The following VSIG10L variants were observed in gnomAD, a reference collection of about 807,000 sequenced individuals.
The protein encoded by VSIG10L is V-set and immunoglobulin domain-containing protein 10-like.
VSIG10L carries 63 observed loss-of-function variants against 67.3 expected under a neutral mutation model. The observed-to-expected ratio is 0.94, with a 90% CI of 0.76 to 1.15. The LOEUF is 1.15. VSIG10L is among the 50% of genes most tolerant of loss of function. The pLI is 0.00. For missense variants in VSIG10L, 1,050 were observed against 1,177.5 expected (o/e 0.89, Z 1.58); for synonymous variants, 499 against 524.9 (o/e 0.95, Z 0.67).
rs757619738 is a variant in VSIG10L at position 51,341,175 on chromosome 19, G to C, written c.873C>G (p.His291Gln). Residue 291 changes from histidine (H) to glutamine (Q), a missense_variant, in exon 2 of 10, where the codon CAC becomes CAG. By Grantham distance (24) the His-to-Gln change is conservative. This residue lies in a region of VSIG10L where 511 missense variants were observed against 557.9 expected (regional missense o/e 0.92). Transcript: ENST00000335624. ...TACCATACACACCCACCGTGAACTCGTGAGTCTGCTGGGAGACCCCTGCCC... is the reference window on the plus strand; with the variant it reads ...TACCATACACACCCACCGTGAACTCCTGAGTCTGCTGGGAGACCCCTGCCC... ...VIRAGVSQQTHEFTVGVYEPL... is the reference protein window; with the variant it reads ...VIRAGVSQQTQEFTVGVYEPL... 11 of 1,531,426 alleles carry C rather than the reference G, an allele frequency of 7.2e-6. No individual in the cohort carries two copies. In the South Asian group the frequency reaches 1.2e-4, roughly 17 times the overall value. The allele number at this position is 1,531,426 out of a possible 1,614,324, so 94.9% of individuals were successfully genotyped here. A position where few individuals can be genotyped will look rare whatever the true frequency, so the allele number is the denominator to read the frequency against.
chr19:51,332,590 G>A lies in VSIG10L; in HGVS notation c.*21C>T, dbSNP rs184769661. 2.4e-5 allele frequency: 38 copies of A among 1,551,338 alleles called. No homozygotes were observed. Among genetic ancestry groups the A allele is most frequent in the East Asian group, 1.2e-4 (5 of 40,866 alleles). On this transcript the variant is annotated 3_prime_UTR_variant, in exon 10 of 10. Transcript: ENST00000335624. ...TCTGATCACACCTGTGTGGCTGCGCGAACAGTCTTTGAGCCTCCGCCTACA... is the reference window on the plus strand; with the variant it reads ...TCTGATCACACCTGTGTGGCTGCGCAAACAGTCTTTGAGCCTCCGCCTACA...
chr19:51,338,627 A>G (rs1343477708), intron 5 of VSIG10L, among the ~76,000 whole-genome samples: 3 of 152,088 alleles, frequency 2.0e-5, no homozygotes, highest in Non-Finnish European at 4.4e-5. Context: ...GTTACTTTTT[A>G]AAATATCACT....
intron 7 of VSIG10L, among the ~76,000 whole-genome samples, chr19:51,336,285 G>A (rs774883445): frequency 4.6e-5 from 7 of 151,976 alleles, no homozygotes; most frequent in East Asian, 3.9e-4. Context: ...AGCCAGGTGC[G>A]GTGGCTCACA....
At chr19:51,336,923 C>G (rs1394008343) in intron 7 of VSIG10L, among the ~76,000 whole-genome samples, 6 of 152,054 alleles carry the variant, frequency 3.9e-5, no homozygotes. Context: ...CCCGCCACCG[C>G]GCCAGGCTAA....
In VSIG10L at chr19:51,334,219, A is replaced by G; in HGVS notation, c.2391T>C (p.Leu797=). 6.4e-7 allele frequency: 1 copy of G among 1,551,814 alleles called. No homozygotes were observed. Among genetic ancestry groups the G allele is most frequent in the Non-Finnish European group, 8.7e-7 (1 of 1,147,008 alleles). The change falls in exon 8 of 10, where the codon CTT becomes CTC. Residue 797 remains leucine, a synonymous_variant. Coordinates refer to ENST00000335624, the MANE Select transcript of VSIG10L (RefSeq NM_001163922.3). ...GAAAGCGGCACAGGCAGCAGATGCA[A>G]AGGAGGAGAAGTACGGCTAGCAGCG... ...GLALLAVLLL[L]CICCLCRFRG...
chr19:51,334,631 A>T (rs1985439813), intron 7 of VSIG10L, among the ~76,000 whole-genome samples: 1 of 152,224 alleles, frequency 6.6e-6, no homozygotes, highest in African/African-American at 2.4e-5. Context: ...GTCCCGAGAA[A>T]GAAAAAGTGA....
chr19:51,337,962 A>G lies in VSIG10L; in HGVS notation c.1976T>C (p.Leu659Pro). ...GGTGATCTGGTCACCGCCAGCACCC[A>G]GCGCCCCACTGCACAGCACGGAGTA... ...GNYSVLCSGA[L>P]GAGGDQITLI... Residue 659 changes from leucine to proline, a missense_variant, in exon 6 of 10, where the codon CTG (leucine) becomes CCG (proline). Physicochemically the swap from Leu to Pro is moderately conservative, Grantham distance 98. Around this residue, in one of 3 missense-constraint regions of VSIG10L, gnomAD observed 529 missense variants for 584.9 expected, o/e 0.90. Coordinates refer to ENST00000335624, the MANE Select transcript of VSIG10L (RefSeq NM_001163922.3). 4 of 1,551,066 alleles carry G rather than the reference A, an allele frequency of 2.6e-6. No homozygotes were observed. The highest frequency in any genetic ancestry group is 3.5e-6 in the Non-Finnish European group (4 of 1,146,714).
At position 51,338,124 on chromosome 19, in the gene VSIG10L, C is replaced by A; in HGVS notation, c.1814G>T (p.Cys605Phe). The change falls in exon 6 of 10, where the codon TGT becomes TTT. Residue 605 changes from cysteine (C) to phenylalanine (F), a missense_variant. Cys to Phe is a radical substitution (Grantham distance 205). Transcript: ENST00000335624. The part of the protein sequence containing the change: ...EAEVALEASG[C>F]PPPSRASWAR... ...CCAGGATGCCCGTGAGGGTGGGGGA[C>A]AACCAGAGGCCTCCAGTGCCACCTC... 6.5e-7 allele frequency: 1 copy of A among 1,547,688 alleles called. No homozygotes were observed.
At position 51,332,223 on chromosome 19, in the gene VSIG10L, G is replaced by T; in HGVS notation, c.*388C>A. On this transcript the variant is annotated 3_prime_UTR_variant, in exon 10 of 10. Transcript: ENST00000335624. ...AGATGAAGATGCTGGGAGCTGGATG[G>T]GGTGTGGCCTACAGGTGGCAAAGTG... 1 of 345,488 alleles carries T rather than the reference G, an allele frequency of 2.9e-6. No individual in the cohort carries two copies. The highest frequency in any genetic ancestry group is 4.0e-5 in the Admixed American group (1 of 24,874). 21.4% of individuals were successfully genotyped at this position (345,488 alleles called of 1,614,324 possible). A position where few individuals can be genotyped will look rare whatever the true frequency, so the allele number is the denominator to read the frequency against.
Position 51,337,284 on chromosome 19 carries a change from C to A in VSIG10L, c.2259G>T (p.Leu753=), listed in dbSNP as rs1985505683. 7.1e-6 allele frequency: 11 copies of A among 1,551,152 alleles called. No homozygotes were observed. Among genetic ancestry groups the A allele is most frequent in the Non-Finnish European group, 7.8e-6 (9 of 1,146,680 alleles). The change falls in exon 7 of 10, where the codon CTG becomes CTT. Residue 753 remains leucine (L), a synonymous_variant. Transcript: ENST00000335624. ...GTGATGGAGTCCCTGGCTGGCCCCC[C>A]AGGATGGGCAGGATCCGAAAGGTCC... ...GTWTFRILPI[L]GGQPGTPSQS...
chr19:51,339,044 A>T lies in VSIG10L; in HGVS notation c.1573T>A (p.Ser525Thr). Reference protein sequence around the residue: ...CSWPGGAPAASLQFQGLPEGI... With the variant: ...CSWPGGAPAATLQFQGLPEGI... Reference sequence around the variant, plus strand: ...TCGGGGAGACCCTGGAACTGCAGGGAGGCAGCAGGGGCCCCGCCGGGCCAC... The same window carrying T: ...TCGGGGAGACCCTGGAACTGCAGGGTGGCAGCAGGGGCCCCGCCGGGCCAC... Residue 525 changes from serine (S) to threonine (T), a missense_variant, in exon 5 of 10, where the codon TCC becomes ACC. By Grantham distance (58) the Ser-to-Thr change is moderately conservative (BLOSUM62 1). Transcript: ENST00000335624. 1 of 1,352,434 alleles carries T rather than the reference A, an allele frequency of 7.4e-7. No individual in the cohort carries two copies. Among genetic ancestry groups the T allele is most frequent in the Non-Finnish European group, 9.6e-7 (1 of 1,044,614 alleles). 83.8% of individuals were successfully genotyped at this position (1,352,434 alleles called of 1,614,324 possible). A position where few individuals can be genotyped will look rare whatever the true frequency, so the allele number is the denominator to read the frequency against.
rs1203371939 is a variant in VSIG10L, at chr19:51,341,427, G to T, written c.621C>A (p.Ile207=). Residue 207 remains isoleucine, a synonymous_variant, in exon 2 of 10, where the codon ATC becomes ATA. Coordinates refer to ENST00000335624, the MANE Select transcript of VSIG10L (RefSeq NM_001163922.3). The part of the protein sequence containing the change: ...GPLAVLVGTT[I]RLPLVPIPNP... ...TGGGGATTGGGACTAGGGGGAGCCG[G>T]ATGGTGGTCCCCACCAGCACAGCGA... The T allele has an allele frequency of 1.3e-6, 2 of 1,534,128 alleles. No individual in the cohort carries two copies. The highest frequency in any genetic ancestry group is 1.8e-6 in the Non-Finnish European group (2 of 1,138,772).
At position 51,340,059 on chromosome 19, in the gene VSIG10L, C is replaced by A. The variant is rs990563048; in HGVS notation, c.1430G>T (p.Arg477Leu). The change falls in exon 4 of 10, where the codon CGT (arginine) becomes CTT (leucine). Residue 477 changes from arginine (R) to leucine (L), a missense_variant. Transcript: ENST00000335624. The surrounding 1 kb of genome is among the most constrained non-coding windows in gnomAD (Gnocchi z 6.3). ...CAGCGAGCGGCGGCGGCGGCCGGTA[C>A]GCGGGTTCGCCGCCAGGCAGGCGTA... ...GTYACLAANP[R>L]TGRRRRSLLN... 1 of 1,435,572 alleles carries A rather than the reference C, an allele frequency of 7.0e-7. No individual in the cohort carries two copies. The highest frequency in any genetic ancestry group is 1.4e-5 in the South Asian group (1 of 73,388). 88.9% of individuals were successfully genotyped at this position (1,435,572 alleles called of 1,614,324 possible).
Position 51,341,462 on chromosome 19 carries a change from C to T in VSIG10L, c.586G>A (p.Gly196Arg), listed in dbSNP as rs1393323425. 6.5e-7 allele frequency: 1 copy of T among 1,544,662 alleles called. No homozygotes were observed. The highest frequency in any genetic ancestry group is 8.7e-7 in the Non-Finnish European group (1 of 1,143,350). The change falls in exon 2 of 10, where the codon GGG (glycine) becomes AGG (arginine). Residue 196 changes from glycine to arginine, a missense_variant. Physicochemically the swap from Gly to Arg is moderately radical, Grantham distance 125 (BLOSUM62 -2). Coordinates refer to ENST00000335624, the MANE Select transcript of VSIG10L (RefSeq NM_001163922.3). ...CCCACCAGCACAGCGAGTGGGCCCC[C>T]CACCTGCTGGGGAAAGCTTGCAGCT... ...HSAASFPQQV[G>R]GPLAVLVGTT...
chr19:51,339,740 G>T, intron 4 of VSIG10L: 1 of 325,348 alleles, frequency 3.1e-6, no homozygotes, highest in Non-Finnish European at 5.5e-6. Context: ...GGGCCGGCCC[G>T]TCAGTCCTGG....
chr19:51,337,632 G>T, intron 6 of VSIG10L, 98 bp from the exon 7 acceptor site: 1 of 893,076 alleles, frequency 1.1e-6, no homozygotes, highest in East Asian at 3.0e-5. Context: ...GAGGGGGCTG[G>T]GGGCCTGGAC....
At position 51,337,414 on chromosome 19, in the gene VSIG10L, G is replaced by A. The variant is rs1355096751; in HGVS notation, c.2129C>T (p.Ala710Val). 6.4e-7 allele frequency: 1 copy of A among 1,551,620 alleles called. No individual in the cohort carries two copies. The highest frequency in any genetic ancestry group is 8.7e-7 in the Non-Finnish European group (1 of 1,146,996). ...CCTGTAGGTGGAAGTCCTGCCCAGA[G>A]CAGGCCCATCTGGCCATGCCTGGAT... ...FEIQAWPDGP[A>V]LGRTSTYRDW... is the part of the protein sequence containing the mutation. Residue 710 changes from alanine to valine, a missense_variant, in exon 7 of 10, where the codon GCT becomes GTT. By Grantham distance (64) the Ala-to-Val change is moderately conservative (BLOSUM62 0). Transcript: ENST00000335624.
rs759532338 is a variant in VSIG10L, at chr19:51,338,874, C to G, written c.1729+14G>C. The G allele has an allele frequency of 5.8e-5, 79 of 1,368,650 alleles. 1 individual carries two copies. The South Asian group carries it at 9.3e-4, about 16-fold the overall frequency. The allele number at this position is 1,368,650 out of a possible 1,614,324, so 84.8% of individuals were successfully genotyped here. ...CTCCTCGAGAAACAGCAAAAAAGCC[C>G]CGCGCCCTCTCACCCGGCGTGACTG... On this transcript the variant is annotated intron_variant, in intron 5 of 9. Transcript: ENST00000335624.
At position 51,341,450 on chromosome 19, in the gene VSIG10L, C is replaced by G; in HGVS notation, c.598G>C (p.Ala200Pro). The G allele has an allele frequency of 6.5e-7, 1 of 1,540,294 alleles. No homozygotes were observed. The highest frequency in any genetic ancestry group is 1.2e-5 in the South Asian group (1 of 82,384). The part of the protein sequence containing the change: ...SFPQQVGGPL[A>P]VLVGTTIRLP... ...CGGATGGTGGTCCCCACCAGCACAG[C>G]GAGTGGGCCCCCCACCTGCTGGGGA... is the stretch of plus-strand genomic sequence containing the variant. Residue 200 changes from alanine to proline, a missense_variant, in exon 2 of 10, where the codon GCT becomes CCT. Physicochemically the swap from Ala to Pro is conservative, Grantham distance 27. This residue lies in a region of VSIG10L where 511 missense variants were observed against 557.9 expected (regional missense o/e 0.92). Transcript: ENST00000335624.
Sources: allele counts gnomAD v4.1 joint callset (sites outside exome capture counted in the v4.1 genomes callset), GRCh38; gene constraint gnomAD v4.1.1; regional missense constraint gnomAD v4.1.1; non-coding constraint Gnocchi (gnomAD v3.1); transcripts MANE v1.5; gene names NCBI Gene and HGNC (gene_info 2026-07-23, HGNC 2026-07-21).